The following NDUFS2 variants were observed in gnomAD, a reference collection of about 807,000 sequenced individuals.
NDUFS2 encodes NADH:ubiquinone oxidoreductase core subunit S2.
A neutral mutation model predicts 69.6 loss-of-function variants in NDUFS2; 38 were observed. That is an observed-to-expected ratio of 0.55 (90% CI 0.42 to 0.72). The LOEUF (loss-of-function observed/expected upper bound fraction) is 0.72. NDUFS2 is among the 30% of genes least tolerant of loss of function. NDUFS2 has a pLI of 0.00. For synonymous variants in NDUFS2, 194 were observed against 211.2 expected, an observed-to-expected ratio of 0.92 and a Z score of 0.70; for missense variants, 468 against 595.0, an observed-to-expected ratio of 0.79 and a Z score of 2.22.
chr1:161,202,232 C>T, upstream of NDUFS2: 1 of 738,682 alleles, frequency 1.4e-6, no homozygotes, highest in Non-Finnish European at 2.4e-6. Context: ...GAAGCCGAGT[C>T]ACAGGACCCG....
At chr1:161,202,025 A>G (rs1277601807), upstream of NDUFS2, 1 of 395,614 alleles carries the variant, frequency 2.5e-6, no homozygotes, top group Admixed American at 3.6e-5. Flanking sequence ...GAGGGCGGCC[A>G]AGGCGGAAGG....
At chr1:161,210,430 G>A in intron 8 of NDUFS2, 41 bp downstream of exon 8, 4 of 1,601,750 alleles carry the variant, frequency 2.5e-6, no homozygotes, top group Non-Finnish European at 3.4e-6. Context: ...GTGGGGGTGG[G>A]AGTGGGGGAG....
At chr1:161,212,513 T>A in intron 10 of NDUFS2, 33 bp downstream of exon 10, 1 of 1,607,304 alleles carries the variant, frequency 6.2e-7, no homozygotes, top group Non-Finnish European at 8.5e-7. Context: ...GTGTGGGGTG[T>A]TGGAAAGGGG....
Position 161,209,603 on chromosome 1 carries a change from TG to T in NDUFS2, c.627+11del. ...TTTGAAGAAAGGGAGAAGGTAAGAGTGGGAGGAAAGGATAGGAATAGGGAAG... is the reference window on the plus strand; with the variant it reads ...TTTGAAGAAAGGGAGAAGGTAAGAGTGGAGGAAAGGATAGGAATAGGGAAG... On this transcript the variant is annotated intron_variant, in intron 5 of 13. Coordinates refer to ENST00000676972, the MANE Select transcript of NDUFS2 (RefSeq NM_001377299.1). 1 of 1,598,802 alleles carries T rather than the reference TG, an allele frequency of 6.3e-7. No individual in the cohort carries two copies.
intron 5 of NDUFS2, 99 bp from the exon 6 acceptor site, chr1:161,209,758 G>T: frequency 7.4e-7 from 1 of 1,355,704 alleles, no homozygotes; most frequent in Admixed American, 1.9e-5. Context: ...TATCATGAGG[G>T]GTTGGTTGGG....
intron 9 of NDUFS2, 41 bp from the exon 10 acceptor site, chr1:161,212,310 C>T (rs376609162): frequency 2.9e-5 from 46 of 1,612,272 alleles, no homozygotes; most frequent in Middle Eastern, 1.7e-4. Flanking sequence ...CATACCTGCT[C>T]CTCTGACTGT....
chr1:161,208,150 A>G (rs1468579135), intron 3 of NDUFS2, among the ~76,000 whole-genome samples: 3 of 151,492 alleles, frequency 2.0e-5, no homozygotes, highest in African/African-American at 4.9e-5. Flanking sequence ...ACGCCCAGCT[A>G]ATTTCTATAT....
chr1:161,206,366 GGGAATAACCATGT>G, intron 2 of NDUFS2, 28 bp from the exon 3 acceptor site: 1 of 1,607,392 alleles, frequency 6.2e-7, no homozygotes, highest in Non-Finnish European at 8.5e-7. Flanking sequence ...GGGATCCCAA[GGGAATAACCATGT>G]GGCTCTGAAC....
intron 2 of NDUFS2, among the ~76,000 whole-genome samples, chr1:161,205,135 G>T (rs1442300112): frequency 6.6e-6 from 1 of 151,988 alleles, no homozygotes; most frequent in Non-Finnish European, 1.5e-5. Flanking sequence ...AATTTTGGTG[G>T]AAAAGATGGG....
rs11538340 is a variant in NDUFS2 at position 161,202,443 on chromosome 1, C to A, written c.58C>A (p.Pro20Thr). ...GGGCGTCGCGGCCCAGGTGCTGCGG[C>A]CTGGGGCTGGAGTCCGATTGCCGAT... ...FRGVAAQVLR[P>T]GAGVRLPIQP... The change falls in exon 1 of 14, where the codon CCT becomes ACT. Residue 20 changes from proline to threonine, a missense_variant. Physicochemically the swap from Pro to Thr is conservative, Grantham distance 38. Coordinates refer to ENST00000676972, the MANE Select transcript of NDUFS2 (RefSeq NM_001377299.1). The A allele has an allele frequency of 0.083, 133,141 of 1,612,070 alleles. 6,104 individuals carry two copies. Among genetic ancestry groups the A allele is most frequent in the South Asian group, 0.17 (15,286 of 90,558 alleles).
At chr1:161,209,690 TGG>T (rs1571615377) in intron 5 of NDUFS2, 95 bp downstream of exon 5, 1 of 1,243,482 alleles carries the variant, frequency 8.0e-7, no homozygotes, top group East Asian at 2.5e-5. Flanking sequence ...AGAGAGAACA[TGG>T]GAGAACATTT....
intron 1 of NDUFS2, 27 bp downstream of exon 1, chr1:161,202,507 A>T (rs938785108): frequency 6.3e-6 from 10 of 1,592,052 alleles, no homozygotes; most frequent in Non-Finnish European, 8.6e-6. Flanking sequence ...CTCTCGACAC[A>T]CTTTCTCCAA....
intron 2 of NDUFS2, 115 bp downstream of exon 2, chr1:161,203,658 C>T (rs1014149703): frequency 1.0e-5 from 9 of 890,226 alleles, no homozygotes; most frequent in Non-Finnish European, 1.6e-5. Context: ...TGCAGTGGTG[C>T]GAAAGTGGCT....
Position 161,214,267 on chromosome 1 carries a change from C to A in NDUFS2, c.*74C>A. The A allele has an allele frequency of 8.9e-7, 1 of 1,127,566 alleles. No homozygotes were observed. The highest frequency in any genetic ancestry group is 1.3e-6 in the Non-Finnish European group (1 of 782,320). 69.8% of individuals were successfully genotyped at this position (1,127,566 alleles called of 1,614,324 possible). A position where few individuals can be genotyped will look rare whatever the true frequency, so the allele number is the denominator to read the frequency against. On this transcript the variant is annotated 3_prime_UTR_variant, in exon 14 of 14. Transcript: ENST00000676972. ...AGCCTGTTCCTCACTGGAAATTGGCCTCTGTGTGTGTGTGTGTGTGTGTGT... is the reference window on the plus strand; with the variant it reads ...AGCCTGTTCCTCACTGGAAATTGGCATCTGTGTGTGTGTGTGTGTGTGTGT...
upstream of NDUFS2, chr1:161,198,508 T>C (rs372126327): frequency 1.2e-5 from 19 of 1,566,396 alleles, no homozygotes; most frequent in South Asian, 8.2e-5. The surrounding 1 kb of genome is among the most constrained non-coding windows in gnomAD (Gnocchi z 4.7). Flanking sequence ...AGGCCAGCAG[T>C]AGCAGAAGCA....
intron 5 of NDUFS2, 47 bp from the exon 6 acceptor site, chr1:161,209,810 C>T (rs775687965): frequency 5.6e-5 from 90 of 1,593,768 alleles, no homozygotes; most frequent in Non-Finnish European, 1.0e-5. Context: ...ATCATAGGAC[C>T]TGGGGGCCTG....
At position 161,213,486 on chromosome 1, in the gene NDUFS2, G is replaced by A. The variant is rs1665884024; in HGVS notation, c.1212+11G>A. ...ATTGAGGCTCCCAAGGTAAGGAGAGGAGGGGAAGGAAAAGACCATATGTAG... is the reference window on the plus strand; with the variant it reads ...ATTGAGGCTCCCAAGGTAAGGAGAGAAGGGGAAGGAAAAGACCATATGTAG... On this transcript the variant is annotated intron_variant, in intron 11 of 13. Coordinates refer to ENST00000676972, the MANE Select transcript of NDUFS2 (RefSeq NM_001377299.1). 1 of 1,603,968 alleles carries A rather than the reference G, an allele frequency of 6.2e-7. No homozygotes were observed. Among genetic ancestry groups the A allele is most frequent in the Non-Finnish European group, 8.5e-7 (1 of 1,172,170 alleles).
At chr1:161,204,654 T>C (rs1665355907) in intron 2 of NDUFS2, among the ~76,000 whole-genome samples, 1 of 152,208 alleles carries the variant, frequency 6.6e-6, no homozygotes, top group African/African-American at 2.4e-5. Context: ...ACAGTAACAA[T>C]AGCTGAGTGC....
upstream of NDUFS2, chr1:161,198,876 G>A (rs1456828263): frequency 6.7e-6 from 3 of 449,556 alleles, no homozygotes; most frequent in Non-Finnish European, 1.2e-5. This position sits in a 1 kb window ranked among gnomAD's most constrained non-coding sequence, Gnocchi z 4.7. Flanking sequence ...CTGGATCTTT[G>A]TCTCTCCCTG....
Sources: gnomAD v4.1 joint callset for allele counts (sites outside exome capture counted in the v4.1 genomes callset) on GRCh38, gnomAD v4.1.1 for gene constraint, Gnocchi (gnomAD v3.1) non-coding constraint, MANE v1.5 for transcripts, NCBI Gene and HGNC (gene_info 2026-07-23, HGNC 2026-07-21) for gene names.